CDK11A: variants seen among roughly 807,000 people sequenced by gnomAD.
CDK11A encodes cyclin-dependent kinase 11A.
A neutral mutation model predicts 83.6 loss-of-function variants in CDK11A; 55 were observed. The ratio of observed to expected loss-of-function variants is 0.66; its 90% confidence interval spans 0.53 to 0.82. The LOEUF (loss-of-function observed/expected upper bound fraction) is 0.82. CDK11A is among the 40% of genes least tolerant of loss of function. The probability of loss-of-function intolerance (pLI) is 0.00; values close to 1 mark genes in which losing one functional copy is unlikely to be tolerated. For missense variants in CDK11A, 564 were observed against 810.1 expected (o/e 0.70, Z 3.69); for synonymous variants, 247 against 302.7 (o/e 0.82, Z 1.91).
rs200726395 is a variant in CDK11A, at chr1:1,707,447, G to C, written c.1207C>G (p.Leu403Val). Residue 403 changes from leucine (L) to valine (V), a missense_variant, in exon 11 of 20, where the codon CTC (leucine) becomes GTC (valine). Leu to Val is a conservative substitution (Grantham distance 32, BLOSUM62 1). Coordinates refer to ENST00000404249, the MANE Select transcript of CDK11A (RefSeq NM_024011.4). ...AGGTACTTGGGCAGCTCCTGCTTGAGCTCGATGGGCAACAGGGCAGGGGAG... is the reference window on the plus strand; with the variant it reads ...AGGTACTTGGGCAGCTCCTGCTTGACCTCGATGGGCAACAGGGCAGGGGAG... ...PDSPALLPIE[L>V]KQELPKYLPA... 6.2e-7 allele frequency: 1 copy of C among 1,607,866 alleles called. No individual in the cohort carries two copies.
Position 1,704,653 on chromosome 1 carries a change from C to T in CDK11A, c.1461G>A (p.Glu487=). ...AQHPNIVTVR[E]IVVGSNMDKI... The stretch of plus-strand genomic sequence containing the variant: ...TGTCCATGTTGCTGCCCACCACAAT[C>T]TCCTGCAGGGCACGGCTCTGTGGGT... The change falls in exon 14 of 20, where the codon GAG becomes GAA. Residue 487 remains glutamate (E), a splice_region_variant and synonymous_variant. Coordinates refer to ENST00000404249, the MANE Select transcript of CDK11A (RefSeq NM_024011.4). 2.5e-6 allele frequency: 4 copies of T among 1,597,148 alleles called. 1 individual carries two copies. The highest frequency in any genetic ancestry group is 3.4e-6 in the Non-Finnish European group (4 of 1,171,026).
At chr1:1,707,141 CA>C (rs1406646830) in intron 11 of CDK11A, among the ~76,000 whole-genome samples, 1 of 144,168 alleles carries the variant, frequency 6.9e-6, no homozygotes, top group Non-Finnish European at 1.5e-5. Flanking sequence ...GCAGTGACAG[CA>C]GCGCGGCCGC....
Position 1,703,929 on chromosome 1 carries a change from C to G in CDK11A, c.1806G>C (p.Thr602=), listed in dbSNP as rs374131092. ...ELLLGAKEYS[T]AVDMWSVGCI... is the part of the protein sequence containing the mutation. The stretch of plus-strand genomic sequence containing the variant: ...AGCCCACTGACCACATGTCCACGGC[C>G]GTGGAGTATTCCTAAGACGCCAGGA... The change falls in exon 17 of 20, where the codon ACG becomes ACC. Residue 602 remains threonine, a synonymous_variant. Coordinates refer to ENST00000404249, the MANE Select transcript of CDK11A (RefSeq NM_024011.4). 6.2e-7 allele frequency: 1 copy of G among 1,609,610 alleles called. No homozygotes were observed. Among genetic ancestry groups the G allele is most frequent in the African/African-American group, 1.3e-5 (1 of 74,642 alleles).
At position 1,705,035 on chromosome 1, in the gene CDK11A, A is replaced by C. The variant is rs887929423; in HGVS notation, c.1337-10T>G. ...AGAGCCACAATTTCATCTGTGAAGA[A>C]AATACAGACGGCACTGAGAGGCATT... is the stretch of plus-strand genomic sequence containing the variant. On this transcript the variant is annotated splice_polypyrimidine_tract_variant and intron_variant, in intron 12 of 19. Transcript: ENST00000404249. 1.3e-6 allele frequency: 2 copies of C among 1,591,876 alleles called. 1 individual carries two copies. Among genetic ancestry groups the C allele is most frequent in the Non-Finnish European group, 1.7e-6 (2 of 1,172,768 alleles).
chr1:1,716,767 A>G (rs562031252), intron 4 of CDK11A, among the ~76,000 whole-genome samples: 3 of 121,008 alleles, frequency 2.5e-5, no homozygotes, highest in Non-Finnish European at 4.9e-5. Flanking sequence ...GTGAGCCGAG[A>G]TCGTGCCACT....
Position 1,721,729 on chromosome 1 carries a change from A to G in CDK11A, c.112-18T>C. 1 of 1,540,514 alleles carries G rather than the reference A, an allele frequency of 6.5e-7. No individual in the cohort carries two copies. Among genetic ancestry groups the G allele is most frequent in the Non-Finnish European group, 8.9e-7 (1 of 1,123,862 alleles). On this transcript the variant is annotated intron_variant, in intron 2 of 19. Coordinates refer to ENST00000404249, the MANE Select transcript of CDK11A (RefSeq NM_024011.4). ...TCATCAGACTAAGAAGCAAAGAGAA[A>G]GTTAATCATTTTCTTTATAAGTTTT... is the stretch of plus-strand genomic sequence containing the variant.
At chr1:1,706,748 C>T (rs140227771) in intron 11 of CDK11A, among the ~76,000 whole-genome samples, 24,013 of 150,404 alleles carry the variant, frequency 0.16, 3,532 homozygotes, top group African/African-American at 0.36. Flanking sequence ...CCGACGCCTA[C>T]GCTCAGCAGC....
Position 1,704,079 on chromosome 1 carries a change from G to A in CDK11A, c.1754C>T (p.Thr585Ile), listed in dbSNP as rs1414326465. ...PLKAYTPVVV[T>I]QWYRAPELLL... ...CAGCTCTGGGGCGCGGTACCACTGG[G>A]TCACCACGACCGGGGTGTAGGCCTT... The change falls in exon 16 of 20, where the codon ACC (threonine) becomes ATC (isoleucine). Residue 585 changes from threonine to isoleucine, a missense_variant. This residue lies in a region of CDK11A where 361 missense variants were observed against 402.7 expected (regional missense o/e 0.90). Coordinates refer to ENST00000404249, the MANE Select transcript of CDK11A (RefSeq NM_024011.4). The A allele has an allele frequency of 1.3e-6, 2 of 1,597,404 alleles. No homozygotes were observed. Among genetic ancestry groups the A allele is most frequent in the African/African-American group, 2.7e-5 (2 of 74,472 alleles).
intron 11 of CDK11A, among the ~76,000 whole-genome samples, chr1:1,706,312 C>T (rs1378302136): frequency 1.3e-5 from 2 of 151,124 alleles, no homozygotes; most frequent in African/African-American, 2.4e-5. Flanking sequence ...ACCTCTGATC[C>T]GCCCACCGCC....
rs771526214 is a variant in CDK11A, at chr1:1,704,362, T to C, written c.1565-18A>G. ...CACCTCCCCTGGGAGGGAGGGAGGCTCCCATGTGGACCCGGCCGCCCCAAG... is the reference window on the plus strand; with the variant it reads ...CACCTCCCCTGGGAGGGAGGGAGGCCCCCATGTGGACCCGGCCGCCCCAAG... On this transcript the variant is annotated intron_variant, in intron 14 of 19. Transcript: ENST00000404249. The C allele has an allele frequency of 1.2e-6, 2 of 1,606,578 alleles. No individual in the cohort carries two copies. Among genetic ancestry groups the C allele is most frequent in the African/African-American group, 2.7e-5 (2 of 74,492 alleles).
rs1171868043 is a variant in CDK11A, at chr1:1,712,296, T to TC, written c.592dup (p.Glu198GlyfsTer92). 6.2e-7 allele frequency: 1 copy of TC among 1,602,030 alleles called. No individual in the cohort carries two copies. The highest frequency in any genetic ancestry group is 8.5e-7 in the Non-Finnish European group (1 of 1,177,204). Reference sequence around the variant, plus strand: ...GCGGGCCTCCCGCTCCTTGCGCCGCTCCTCCGCCCGCCGCTCGCGCTCCTT... The same window carrying TC: ...GCGGGCCTCCCGCTCCTTGCGCCGCTCCCTCCGCCCGCCGCTCGCGCTCCTT... On this transcript the variant is annotated frameshift_variant, in exon 6 of 20. Transcript: ENST00000404249. LOFTEE classifies it high-confidence loss of function.
rs528286089 is a variant in CDK11A at position 1,718,966 on chromosome 1, C to A, written c.355+362G>T. On this transcript the variant is annotated intron_variant, in intron 4 of 19. Coordinates refer to ENST00000404249, the MANE Select transcript of CDK11A (RefSeq NM_024011.4). ...CTAGAGTATTCTCTCTATAGCCCTT[C>A]TGAATGGTCTGTGACACACGCATGC... Among the ~76,000 whole-genome samples, 236 of 150,840 alleles carry A rather than the reference C, an allele frequency of 1.6e-3. 8 individuals are homozygous for A. Among genetic ancestry groups the A allele is most frequent in the Non-Finnish European group, 1.7e-3 (116 of 67,598 alleles).
chr1:1,704,755 AC>A lies in CDK11A; in HGVS notation c.1459-101del. 2 of 1,596,558 alleles carry A rather than the reference AC, an allele frequency of 1.3e-6. 1 individual carries two copies. Among genetic ancestry groups the A allele is most frequent in the Non-Finnish European group, 1.7e-6 (2 of 1,168,272 alleles). On this transcript the variant is annotated intron_variant, in intron 13 of 19. Transcript: ENST00000404249. ...AGGGACAGTAAGGACCTCCGGTGCCACCCGGGAGGCAAATACTTGCTTCTGT... is the reference window on the plus strand; with the variant it reads ...AGGGACAGTAAGGACCTCCGGTGCCACCGGGAGGCAAATACTTGCTTCTGT...
At chr1:1,708,510 G>A (rs1185533294) in intron 9 of CDK11A, among the ~76,000 whole-genome samples, 6 of 121,848 alleles carry the variant, frequency 4.9e-5, no homozygotes, top group Admixed American at 2.5e-4. Context: ...GCGTGGTGGC[G>A]CACACCTGTA....
chr1:1,721,839 A>C, intron 2 of CDK11A, 128 bp from the exon 3 acceptor site: 1 of 1,299,186 alleles, frequency 7.7e-7, no homozygotes. Flanking sequence ...ACTCTGAATG[A>C]GCCAGTGTTA....
chr1:1,703,353 CAG>C lies in CDK11A; in HGVS notation c.2061-86_2061-85del, dbSNP rs1164640834. On this transcript the variant is annotated intron_variant, in intron 18 of 19. Transcript: ENST00000404249. ...AGATGGGCTGTGTTGGGACGGGGCT[CAG>C]GGCATGGGACGCCAGGCACCAGAGC... 1.7e-5 allele frequency: 14 copies of C among 831,326 alleles called. No individual in the cohort carries two copies. The Admixed American group carries it at 1.9e-4, about 11-fold the overall frequency. 51.5% of individuals were successfully genotyped at this position (831,326 alleles called of 1,614,324 possible). A position where few individuals can be genotyped will look rare whatever the true frequency, so the allele number is the denominator to read the frequency against.
At chr1:1,718,927 C>T (rs1384591161) in intron 4 of CDK11A, among the ~76,000 whole-genome samples, 1 of 150,340 alleles carries the variant, frequency 6.7e-6, no homozygotes, top group African/African-American at 2.4e-5. Context: ...TGAGCCACCA[C>T]GCCCGGCCTT....
At chr1:1,721,076 C>T (rs764547406) in intron 3 of CDK11A, among the ~76,000 whole-genome samples, 6 of 150,660 alleles carry the variant, frequency 4.0e-5, no homozygotes, top group Non-Finnish European at 7.4e-5. Context: ...GGGGTTTCAC[C>T]GTGTTAGCCA....
At chr1:1,715,244 C>T (rs1557792328) in intron 5 of CDK11A, among the ~76,000 whole-genome samples, 1 of 123,716 alleles carries the variant, frequency 8.1e-6, no homozygotes, top group Non-Finnish European at 1.8e-5. Flanking sequence ...TGGCGTCATG[C>T]GGTCCTCTGG....
Sources: gnomAD v4.1 joint callset for allele counts (sites outside exome capture counted in the v4.1 genomes callset) on GRCh38, gnomAD v4.1.1 for gene constraint, gnomAD v4.1.1 regional missense constraint, MANE v1.5 for transcripts, NCBI Gene and HGNC (gene_info 2026-07-23, HGNC 2026-07-21) for gene names.